Variants in NDUFA10 observed in about 807,000 individuals in gnomAD.
NDUFA10 encodes the protein NADH dehydrogenase [ubiquinone] 1 alpha subcomplex subunit 10, mitochondrial.
A neutral mutation model predicts 47.8 loss-of-function variants in NDUFA10; 40 were observed. The observed-to-expected ratio is 0.84, with a 90% confidence interval of 0.65 to 1.09. NDUFA10 has a LOEUF of 1.09. NDUFA10 is among the 50% of genes least tolerant of loss of function. The pLI is 0.00. For missense variants in NDUFA10, 413 were observed against 451.1 expected, an observed-to-expected ratio of 0.92 and a Z score of 0.76; for synonymous variants, 183 against 172.2, an observed-to-expected ratio of 1.06 and a Z score of -0.49.
At chr2:239,971,682 G>C (rs1007283151) in intron 9 of NDUFA10, among the ~76,000 whole-genome samples, 9 of 152,192 alleles carry the variant, frequency 5.9e-5, no homozygotes, top group African/African-American at 2.2e-4. Context: ...CACGTGGCTA[G>C]CTGGTGGCAG....
Position 239,990,007 on chromosome 2 carries a change from G to A in NDUFA10, c.999+67C>T, listed in dbSNP as rs549261468. The A allele has an allele frequency of 1.4e-3, 1,594 of 1,135,812 alleles. 14 individuals are homozygous for A. The highest frequency in any genetic ancestry group is 2.6e-4 in the Non-Finnish European group (196 of 745,442). 70.4% of individuals were successfully genotyped at this position (1,135,812 alleles called of 1,614,324 possible). Reference sequence around the variant, plus strand: ...AACAAAAACTCCTTTCTGGAGAAGTGACTGCATTGTCCCCAGGTGCTGCAG... The same window carrying A: ...AACAAAAACTCCTTTCTGGAGAAGTAACTGCATTGTCCCCAGGTGCTGCAG... On this transcript the variant is annotated intron_variant, in intron 9 of 9. Coordinates refer to ENST00000252711, the MANE Select transcript of NDUFA10 (RefSeq NM_004544.4).
intron 9 of NDUFA10, among the ~76,000 whole-genome samples, chr2:239,965,537 T>A (rs1323090286): frequency 6.6e-6 from 1 of 152,164 alleles, no homozygotes; most frequent in Non-Finnish European, 1.5e-5. Flanking sequence ...GCAACGGGCC[T>A]CGTCAGACCT....
At chr2:240,017,999 C>T in intron 4 of NDUFA10, 1 of 1,054,984 alleles carries the variant, frequency 9.5e-7, no homozygotes, top group Non-Finnish European at 1.4e-6. Context: ...CAACCCCACC[C>T]TGACTCCTCA....
intron 4 of NDUFA10, chr2:239,943,064 G>A (rs115063401): frequency 0.011 from 1,721 of 154,546 alleles, 37 homozygotes; most frequent in African/African-American, 0.038. Flanking sequence ...AGGGAGAGTG[G>A]TGCATCCAGT....
intron 4 of NDUFA10, among the ~76,000 whole-genome samples, chr2:239,951,646 G>C (rs957946798): frequency 6.6e-6 from 1 of 152,158 alleles, no homozygotes; most frequent in African/African-American, 2.4e-5. Flanking sequence ...GGAGAGTCAG[G>C]CATCTTTAAA....
At chr2:239,918,224 T>C (rs918975084) in intron 4 of NDUFA10, among the ~76,000 whole-genome samples, 4 of 152,024 alleles carry the variant, frequency 2.6e-5, no homozygotes, top group Non-Finnish European at 4.4e-5. Context: ...GCACCTGCCA[T>C]GTTGCCAGGA....
chr2:239,962,587 G>A (rs1202781726), intron 9 of NDUFA10, among the ~76,000 whole-genome samples: 1 of 152,212 alleles, frequency 6.6e-6, no homozygotes, highest in Admixed American at 6.5e-5. Context: ...GTGGGACCTG[G>A]AAGTGGAGGG....
At chr2:240,009,740 T>C (rs1697071466) in intron 6 of NDUFA10, among the ~76,000 whole-genome samples, 1 of 152,260 alleles carries the variant, frequency 6.6e-6, no homozygotes. Flanking sequence ...TTTCAAATAC[T>C]AGTATTAAAA....
At chr2:239,899,921 A>C (rs1693513409) in intron 4 of NDUFA10, among the ~76,000 whole-genome samples, 2 of 147,992 alleles carry the variant, frequency 1.4e-5, no homozygotes, top group Admixed American at 1.3e-4. Flanking sequence ...CAGGAAGCCC[A>C]CCCATCTTAA....
intron 1 of NDUFA10, 55 bp downstream of exon 1, chr2:240,025,172 C>G: frequency 3.5e-6 from 2 of 574,776 alleles, no homozygotes; most frequent in Non-Finnish European, 2.9e-6. Context: ...GCTCCCCACC[C>G]CGCCACCCCG....
At chr2:239,937,597 G>A (rs572654197) in intron 4 of NDUFA10, among the ~76,000 whole-genome samples, 4 of 152,320 alleles carry the variant, frequency 2.6e-5, no homozygotes, top group African/African-American at 7.2e-5. Flanking sequence ...ATCAGCTGAC[G>A]GGTATGTGGG....
intron 9 of NDUFA10, among the ~76,000 whole-genome samples, chr2:239,972,644 A>G (rs965580146): frequency 2.6e-5 from 4 of 152,222 alleles, no homozygotes; most frequent in African/African-American, 9.6e-5. Context: ...GTCAACTTTC[A>G]AAAACCATAT....
intron 4 of NDUFA10, among the ~76,000 whole-genome samples, chr2:239,902,306 C>T (rs992485815): frequency 6.6e-5 from 10 of 150,610 alleles, no homozygotes; most frequent in Non-Finnish European, 1.0e-4. Context: ...AGCCACTACC[C>T]TATGCAGTCA....
rs61475593 is a variant in NDUFA10 at position 240,002,330 on chromosome 2, C to CAAAA, written c.890+2876_890+2879dup. Among the ~76,000 whole-genome samples the CAAAA allele has an allele frequency of 2.2e-3, 186 of 83,748 alleles. 7 individuals are homozygous for CAAAA. The highest frequency in any genetic ancestry group is 9.6e-3 in the African/African-American group (168 of 17,544). 54.9% of individuals were successfully genotyped at this position (83,748 alleles called of 152,430 possible). A position where few individuals can be genotyped will look rare whatever the true frequency, so the allele number is the denominator to read the frequency against. The stretch of plus-strand genomic sequence containing the variant: ...GGGCAACAAGAGCAAAACTCTGACT[C>CAAAA]AAAAAAAAAAAAAAAAAAAAAAAAA... On this transcript the variant is annotated intron_variant, in intron 8 of 9. Transcript: ENST00000252711.
At chr2:239,901,555 A>G (rs1284404647) in intron 4 of NDUFA10, among the ~76,000 whole-genome samples, 1 of 151,968 alleles carries the variant, frequency 6.6e-6, no homozygotes, top group Non-Finnish European at 1.5e-5. Flanking sequence ...AAGGAGGTTC[A>G]TGTTGTTTTC....
At chr2:239,963,516 C>T (rs1296408215) in intron 9 of NDUFA10, among the ~76,000 whole-genome samples, 2 of 152,190 alleles carry the variant, frequency 1.3e-5, no homozygotes, top group East Asian at 1.9e-4. Flanking sequence ...GGAGCAGTGA[C>T]GGGCACCTGG....
At chr2:239,944,453 C>A (rs552502359) in intron 4 of NDUFA10, among the ~76,000 whole-genome samples, 1 of 152,330 alleles carries the variant, frequency 6.6e-6, no homozygotes, top group African/African-American at 2.4e-5. Flanking sequence ...TGGCCACCTC[C>A]CCTCACAGTG....
At chr2:239,992,026 C>T in intron 8 of NDUFA10, among the ~76,000 whole-genome samples, 1 of 152,182 alleles carries the variant, frequency 6.6e-6, no homozygotes, top group Non-Finnish European at 1.5e-5. Flanking sequence ...TTATACCTAA[C>T]CAAACTACCC....
chr2:239,960,313 A>G lies in NDUFA10; in HGVS notation c.*805T>C. 2.0e-6 allele frequency: 2 copies of G among 985,670 alleles called. No individual in the cohort carries two copies. Among genetic ancestry groups the G allele is most frequent in the South Asian group, 9.4e-5 (2 of 21,294 alleles). The allele number at this position is 985,670 out of a possible 1,614,324, so 61.1% of individuals were successfully genotyped here. A position where few individuals can be genotyped will look rare whatever the true frequency, so the allele number is the denominator to read the frequency against. On this transcript the variant is annotated 3_prime_UTR_variant, in exon 10 of 10. Transcript: ENST00000252711. ...TTCTAGGCTTCAACAGAGATGAATA[A>G]AGAAATCTGATTTTCTTTCTCATTT...
Sources: allele counts gnomAD v4.1 joint callset (sites outside exome capture counted in the v4.1 genomes callset), GRCh38; gene constraint gnomAD v4.1.1; transcripts MANE v1.5; gene names NCBI Gene and HGNC (gene_info 2026-07-23, HGNC 2026-07-21).